The following NKAIN2 variants were observed in gnomAD, a reference collection of about 807,000 sequenced individuals.
NKAIN2 encodes sodium/potassium-transporting ATPase subunit beta-1-interacting protein 2.
Under a neutral mutation model 32.6 loss-of-function variants are expected in NKAIN2, and 14 were observed. The observed-to-expected ratio is 0.43, with a 90% CI of 0.28 to 0.67. NKAIN2 has a LOEUF of 0.67. Among genes scored for constraint, NKAIN2 ranks in the 30% least tolerant of loss-of-function variants. The pLI is 0.17. For synonymous variants in NKAIN2, 80 were observed against 87.2 expected (o/e 0.92, Z 0.46); for missense variants, 198 against 258.3 (o/e 0.77, Z 1.60).
chr6:124,449,332 T>C (rs1306825779), intron 3 of NKAIN2, among the ~76,000 whole-genome samples: 1 of 152,048 alleles, frequency 6.6e-6, no homozygotes, highest in Non-Finnish European at 1.5e-5. Context: ...AAGCAATATC[T>C]AAATAGGAAT....
intron 3 of NKAIN2, among the ~76,000 whole-genome samples, chr6:124,610,082 A>G (rs1047103976): frequency 6.6e-6 from 1 of 152,182 alleles, no homozygotes; most frequent in African/African-American, 2.4e-5. Context: ...GCTGGAGGCT[A>G]AAGAAGTGTC....
chr6:124,790,683 T>C (rs2114806151), intron 4 of NKAIN2, among the ~76,000 whole-genome samples: 1 of 152,244 alleles, frequency 6.6e-6, no homozygotes, highest in Admixed American at 6.5e-5. Flanking sequence ...CAAGTGACTT[T>C]GCTGTGCTCC....
intron 4 of NKAIN2, among the ~76,000 whole-genome samples, chr6:124,686,586 G>C (rs557051919): frequency 1.3e-5 from 2 of 152,008 alleles, no homozygotes; most frequent in East Asian, 1.9e-4. Flanking sequence ...CCTCCTACCA[G>C]GCCTCACCTC....
chr6:124,153,713 T>G (rs1787845782), intron 1 of NKAIN2, among the ~76,000 whole-genome samples: 1 of 151,792 alleles, frequency 6.6e-6, no homozygotes, highest in Admixed American at 6.6e-5. Flanking sequence ...GACCTTGTTT[T>G]CAGTGACTTC....
chr6:123,889,324 G>C (rs1196837717), intron 1 of NKAIN2, among the ~76,000 whole-genome samples: 1 of 152,052 alleles, frequency 6.6e-6, no homozygotes, highest in African/African-American at 2.4e-5. Flanking sequence ...CACTAAGAAT[G>C]GTTTCAGGGA....
chr6:124,344,770 A>G (rs1041996462), intron 2 of NKAIN2, among the ~76,000 whole-genome samples: 3 of 152,220 alleles, frequency 2.0e-5, no homozygotes, highest in East Asian at 3.9e-4. Context: ...CAATGATGTC[A>G]TCTGCAAACA....
chr6:124,445,788 A>C (rs77867480), intron 3 of NKAIN2, among the ~76,000 whole-genome samples: 200 of 21,488 alleles, frequency 9.3e-3, no homozygotes, highest in South Asian at 0.014. Context: ...CAAAACAAAA[A>C]AAAAAAACAG....
intron 1 of NKAIN2, among the ~76,000 whole-genome samples, chr6:124,187,308 A>C (rs1789793840): frequency 6.6e-6 from 1 of 152,164 alleles, no homozygotes; most frequent in South Asian, 2.1e-4. Flanking sequence ...ACTCAGAAAA[A>C]CCAACATGAT....
chr6:124,352,197 T>G (rs1346247892), intron 2 of NKAIN2, among the ~76,000 whole-genome samples: 1 of 152,210 alleles, frequency 6.6e-6, no homozygotes, highest in Non-Finnish European at 1.5e-5. Context: ...ATGCTATTTA[T>G]TTGCATGTAA....
At chr6:124,466,476 CT>C (rs1247432561) in intron 3 of NKAIN2, among the ~76,000 whole-genome samples, 1 of 152,068 alleles carries the variant, frequency 6.6e-6, no homozygotes, top group Admixed American at 6.6e-5. Flanking sequence ...GGTTAATCTT[CT>C]TTTCTGTTGT....
chr6:124,742,680 G>C (rs973708513), intron 4 of NKAIN2, among the ~76,000 whole-genome samples: 1 of 151,730 alleles, frequency 6.6e-6, no homozygotes, highest in Non-Finnish European at 1.5e-5. Context: ...TCACTCCTCT[G>C]TCACAAACAT....
chr6:124,280,556 A>G (rs1402662080), intron 1 of NKAIN2, among the ~76,000 whole-genome samples: 1 of 152,098 alleles, frequency 6.6e-6, no homozygotes, highest in African/African-American at 2.4e-5. Flanking sequence ...GGACAATCCT[A>G]TTTACCTCCC....
At chr6:123,915,163 T>G (rs1775424180) in intron 1 of NKAIN2, among the ~76,000 whole-genome samples, 4 of 152,184 alleles carry the variant, frequency 2.6e-5, no homozygotes, top group Admixed American at 2.6e-4. Flanking sequence ...ATGTGTAAGC[T>G]CTTGCTCAAC....
chr6:124,759,631 ACACACACACACACACACACACACACC>A lies in NKAIN2; in HGVS notation c.475-31706_475-31681del, dbSNP rs1178959169. Among the ~76,000 whole-genome samples, 131 of 115,996 alleles carry A rather than the reference ACACACACACACACACACACACACACC, an allele frequency of 1.1e-3. 2 individuals carry two copies. The highest frequency in any genetic ancestry group is 1.5e-3 in the South Asian group (5 of 3,446). 76.1% of individuals were successfully genotyped at this position (115,996 alleles called of 152,430 possible). On this transcript the variant is annotated intron_variant, in intron 4 of 6. Coordinates refer to ENST00000368417, the MANE Select transcript of NKAIN2 (RefSeq NM_001040214.3). ...CACACACACACACACACACACACAC[ACACACACACACACACACACACACACC>A]CCCTATCTCCCTTTCCTGCCTTATT... is the stretch of plus-strand genomic sequence containing the variant.
chr6:124,116,833 T>A (rs1409671001), intron 1 of NKAIN2, among the ~76,000 whole-genome samples: 1 of 152,084 alleles, frequency 6.6e-6, no homozygotes, highest in Non-Finnish European at 1.5e-5. Context: ...GTGGTAAAGA[T>A]CTAGATAATA....
intron 1 of NKAIN2, among the ~76,000 whole-genome samples, chr6:123,973,988 G>C (rs537756477): frequency 3.9e-5 from 6 of 152,116 alleles, no homozygotes; most frequent in Non-Finnish European, 7.4e-5. Context: ...GTATATAATG[G>C]CTCAAAGACA....
intron 3 of NKAIN2, among the ~76,000 whole-genome samples, chr6:124,532,424 C>T (rs886396936): frequency 6.6e-6 from 1 of 152,170 alleles, no homozygotes; most frequent in Non-Finnish European, 1.5e-5. Flanking sequence ...GAGAGGTCCC[C>T]CAACCTCCCC....
intron 1 of NKAIN2, among the ~76,000 whole-genome samples, chr6:124,267,771 T>C (rs867721199): frequency 5.9e-5 from 9 of 152,290 alleles, no homozygotes; most frequent in South Asian, 2.1e-4. Context: ...ACTCTTGATA[T>C]AGAATTAAGG....
intron 3 of NKAIN2, among the ~76,000 whole-genome samples, chr6:124,427,483 T>A (rs533490485): frequency 6.6e-6 from 1 of 152,202 alleles, no homozygotes; most frequent in African/African-American, 2.4e-5. Flanking sequence ...ATATGTTAAT[T>A]ATACCTCAGT....
Sources: allele counts gnomAD v4.1 joint callset (sites outside exome capture counted in the v4.1 genomes callset), GRCh38; gene constraint gnomAD v4.1.1; transcripts MANE v1.5; gene names NCBI Gene and HGNC (gene_info 2026-07-23, HGNC 2026-07-21).